The following KIAA1328 variants were observed in gnomAD, a reference collection of about 807,000 sequenced individuals.
KIAA1328 encodes the protein KIAA1328.
A neutral mutation model predicts 68.1 loss-of-function variants in KIAA1328; 52 were observed. The observed-to-expected ratio is 0.76, with a 90% confidence interval of 0.61 to 0.96. The LOEUF is 0.96. KIAA1328 is among the 40% of genes least tolerant of loss of function. The pLI is 0.00. For synonymous variants in KIAA1328, 232 were observed against 239.4 expected, an observed-to-expected ratio of 0.97 and a Z score of 0.28; for missense variants, 641 against 677.6, an observed-to-expected ratio of 0.95 and a Z score of 0.60.
In KIAA1328 at chr18:37,014,379, G is replaced by A. The variant is rs75035478; in HGVS notation, c.577-52511G>A. On this transcript the variant is annotated intron_variant, in intron 6 of 9. Transcript: ENST00000280020. ...TTTGATTTTTGTTTTTGTTGAAATTGCTTCTGAGAACCTAGTTATAAATGC... is the reference window on the plus strand; with the variant it reads ...TTTGATTTTTGTTTTTGTTGAAATTACTTCTGAGAACCTAGTTATAAATGC... Among the ~76,000 whole-genome samples, 1,054 of 152,214 alleles carry A rather than the reference G, an allele frequency of 6.9e-3. 7 individuals are homozygous for A. The highest frequency in any genetic ancestry group is 0.017 in the Middle Eastern group (5 of 294).
chr18:37,219,441 T>C (rs1321412953), intron 9 of KIAA1328, among the ~76,000 whole-genome samples: 2 of 152,228 alleles, frequency 1.3e-5, no homozygotes, highest in Non-Finnish European at 2.9e-5. Context: ...AGGTGGAGTC[T>C]ACAGAGGCAG....
At chr18:37,063,863 A>G (rs1404122141) in intron 6 of KIAA1328, among the ~76,000 whole-genome samples, 2 of 152,102 alleles carry the variant, frequency 1.3e-5, no homozygotes, top group African/African-American at 4.8e-5. Flanking sequence ...AGACTATAAA[A>G]CCTGGATATG....
intron 6 of KIAA1328, among the ~76,000 whole-genome samples, chr18:36,975,383 C>T (rs2052426249): frequency 1.3e-5 from 2 of 151,832 alleles, no homozygotes; most frequent in African/African-American, 2.4e-5. Context: ...GGGGTTTCAC[C>T]GTTTTAGCTG....
chr18:36,928,018 G>A (rs149178604), intron 5 of KIAA1328, among the ~76,000 whole-genome samples: 3 of 152,284 alleles, frequency 2.0e-5, no homozygotes, highest in East Asian at 3.9e-4. Flanking sequence ...TTTCTATGGC[G>A]TAGAAAGCAT....
intron 6 of KIAA1328, among the ~76,000 whole-genome samples, chr18:36,985,662 C>T (rs1406157168): frequency 6.6e-6 from 1 of 151,998 alleles, no homozygotes; most frequent in Non-Finnish European, 1.5e-5. Flanking sequence ...TGTGCATATG[C>T]AAAAAGAAAT....
At chr18:37,051,774 T>C (rs2055702983) in intron 6 of KIAA1328, among the ~76,000 whole-genome samples, 1 of 151,946 alleles carries the variant, frequency 6.6e-6, no homozygotes, top group Non-Finnish European at 1.5e-5. Context: ...CTGGGTGCAG[T>C]GGCTCCCACT....
At chr18:36,993,942 C>G (rs913212231) in intron 6 of KIAA1328, among the ~76,000 whole-genome samples, 1 of 146,720 alleles carries the variant, frequency 6.8e-6, no homozygotes, top group Non-Finnish European at 1.5e-5. Flanking sequence ...TCATTTGTTA[C>G]TTTTCAAATA....
chr18:37,063,882 A>G (rs1165762201), intron 6 of KIAA1328, among the ~76,000 whole-genome samples: 1 of 152,150 alleles, frequency 6.6e-6, no homozygotes, highest in Non-Finnish European at 1.5e-5. Flanking sequence ...TGAATATATA[A>G]TATAAAATAT....
At position 36,832,415 on chromosome 18, in the gene KIAA1328, G is replaced by A. The variant is rs529471938; in HGVS notation, c.59-1905G>A. On this transcript the variant is annotated intron_variant, in intron 1 of 9. Transcript: ENST00000280020. ...GTCTGGCCAACATGATGAAACGGCC[G>A]TCTCTACTAAAACTACAAAAAAAAT... Among the ~76,000 whole-genome samples the A allele has an allele frequency of 4.5e-4, 68 of 151,628 alleles. 1 individual carries two copies. The Middle Eastern group carries it at 0.02, about 46-fold the overall frequency.
chr18:36,927,535 T>C lies in KIAA1328; in HGVS notation c.449-31773T>C, dbSNP rs541025101. Among the ~76,000 whole-genome samples the C allele has an allele frequency of 2.6e-5, 4 of 152,238 alleles. No individual in the cohort carries two copies. In the East Asian group the frequency reaches 7.7e-4, roughly 29 times the overall value. ...GCTGCTACAGGCAGATCACTTGAGCTCAGGTGTTCGAGACTAGTCTGGGCA... is the reference window on the plus strand; with the variant it reads ...GCTGCTACAGGCAGATCACTTGAGCCCAGGTGTTCGAGACTAGTCTGGGCA... On this transcript the variant is annotated intron_variant, in intron 5 of 9. Coordinates refer to ENST00000280020, the MANE Select transcript of KIAA1328 (RefSeq NM_020776.3).
chr18:36,899,594 A>G (rs1163085883), intron 5 of KIAA1328, among the ~76,000 whole-genome samples: 1 of 151,994 alleles, frequency 6.6e-6, no homozygotes, highest in Non-Finnish European at 1.5e-5. Context: ...TTAAAAATAT[A>G]CATATACTCA....
chr18:36,951,628 G>A (rs1380386148), intron 5 of KIAA1328, among the ~76,000 whole-genome samples: 3 of 151,906 alleles, frequency 2.0e-5, no homozygotes, highest in African/African-American at 4.8e-5. Context: ...TCCCCTCTTC[G>A]CTATCTCCAC....
At chr18:36,999,757 G>A (rs2053521067) in intron 6 of KIAA1328, among the ~76,000 whole-genome samples, 1 of 152,064 alleles carries the variant, frequency 6.6e-6, no homozygotes, top group Non-Finnish European at 1.5e-5. Context: ...TACAAGAAAT[G>A]CTCAAGGGAG....
At chr18:36,920,867 CTG>C (rs1259672753) in intron 5 of KIAA1328, among the ~76,000 whole-genome samples, 1 of 152,166 alleles carries the variant, frequency 6.6e-6, no homozygotes, top group Non-Finnish European at 1.5e-5. Flanking sequence ...TCAGAGCTCT[CTG>C]TGCAGCTTTC....
At chr18:36,845,659 A>C (rs1387455312) in intron 4 of KIAA1328, among the ~76,000 whole-genome samples, 6 of 151,836 alleles carry the variant, frequency 4.0e-5, no homozygotes. Context: ...TGGGTAAAAA[A>C]AGGGGAAAAA....
intron 6 of KIAA1328, among the ~76,000 whole-genome samples, chr18:36,977,235 G>A (rs2052506254): frequency 6.6e-6 from 1 of 152,148 alleles, no homozygotes; most frequent in African/African-American, 2.4e-5. Context: ...TATCCTTAAA[G>A]GCCTGTCATT....
At chr18:37,015,906 T>G (rs957494093) in intron 6 of KIAA1328, among the ~76,000 whole-genome samples, 5 of 152,126 alleles carry the variant, frequency 3.3e-5, no homozygotes, top group African/African-American at 1.2e-4. Flanking sequence ...TTTGATGGAG[T>G]CTTTAGGGTT....
At chr18:37,206,984 T>C (rs1324602962) in intron 9 of KIAA1328, among the ~76,000 whole-genome samples, 3 of 152,174 alleles carry the variant, frequency 2.0e-5, no homozygotes, top group Non-Finnish European at 4.4e-5. Flanking sequence ...CTGGAGAGTT[T>C]CCTTAGGCAG....
intron 7 of KIAA1328, among the ~76,000 whole-genome samples, chr18:37,150,234 G>T (rs562359683): frequency 1.3e-5 from 2 of 152,224 alleles, no homozygotes; most frequent in South Asian, 2.1e-4. Flanking sequence ...AGAACAGGGT[G>T]TCTCAGCCTT....
Sources: gnomAD v4.1 joint callset for allele counts (sites outside exome capture counted in the v4.1 genomes callset) on GRCh38, gnomAD v4.1.1 for gene constraint, MANE v1.5 for transcripts, NCBI Gene and HGNC (gene_info 2026-07-23, HGNC 2026-07-21) for gene names.